The following CHD5 variants were observed in gnomAD, a reference collection of about 807,000 sequenced individuals.
CHD5 encodes the protein chromodomain helicase DNA binding protein 5.
In CHD5, 69 loss-of-function variants were observed where a neutral mutation model predicts 230.3. The observed-to-expected ratio is 0.30, with a 90% CI of 0.25 to 0.37. CHD5 has a LOEUF of 0.37. Ranked by LOEUF, CHD5 falls within the 10% of genes least tolerant of loss-of-function variation. CHD5 has a pLI of 1.00. For missense variants in CHD5, 1,827 were observed against 2,622.8 expected (o/e 0.70, Z 6.63); for synonymous variants, 1,064 against 1,065.9 (o/e 1.00, Z 0.03).
intron 1 of CHD5, 25 bp from the exon 2 acceptor site, chr1:6,168,302 A>C: frequency 6.3e-7 from 1 of 1,582,996 alleles, no homozygotes; most frequent in Non-Finnish European, 8.6e-7. Context: ...AGGTGGCAGC[A>C]GTTACTCCTG....
At position 6,125,977 on chromosome 1, in the gene CHD5, G is replaced by A; in HGVS notation, c.4079-119C>T. 1.4e-6 allele frequency: 1 copy of A among 717,566 alleles called. No individual in the cohort carries two copies. The highest frequency in any genetic ancestry group is 1.6e-5 in the South Asian group (1 of 61,870). The allele number at this position is 717,566 out of a possible 1,614,324, so 44.4% of individuals were successfully genotyped here. ...CACCCCAGCTCCATAAAAAAGCAGTGACAATGGCCCACATACTTCCTGTGG... is the reference window on the plus strand; with the variant it reads ...CACCCCAGCTCCATAAAAAAGCAGTAACAATGGCCCACATACTTCCTGTGG... On this transcript the variant is annotated intron_variant, in intron 26 of 41. Coordinates refer to ENST00000262450, the MANE Select transcript of CHD5 (RefSeq NM_015557.3). This position sits in a 1 kb window ranked among gnomAD's most constrained non-coding sequence, Gnocchi z 6.7.
rs759025918 is a variant in CHD5 at position 6,142,604 on chromosome 1, G to T, written c.2045C>A (p.Pro682His). 2 of 1,609,774 alleles carry T rather than the reference G, an allele frequency of 1.2e-6. No homozygotes were observed. The highest frequency in any genetic ancestry group is 8.5e-7 in the Non-Finnish European group (1 of 1,177,788). ...EKPPDTPIVDPTVKFDKQPWY... is the reference protein window; with the variant it reads ...EKPPDTPIVDHTVKFDKQPWY... ...TGGCTGCTTGTCGAACTTGACCGTG[G>T]GCTGCAGGGGAGGCAGCGGTTCAGA... Residue 682 changes from proline to histidine, a missense_variant and splice_region_variant, in exon 14 of 42, where the codon CCC (proline) becomes CAC (histidine). This residue lies in a region of CHD5 where 657 missense variants were observed against 816.4 expected (regional missense o/e 0.80). Transcript: ENST00000262450. This position sits in a 1 kb window ranked among gnomAD's most constrained non-coding sequence, Gnocchi z 5.2.
intron 8 of CHD5, 66 bp downstream of exon 8, chr1:6,149,180 G>A: frequency 6.7e-7 from 1 of 1,484,912 alleles, no homozygotes; most frequent in South Asian, 1.4e-5. Context: ...GCCCCCAAAT[G>A]AGGGCACAGG....
intron 2 of CHD5, among the ~76,000 whole-genome samples, chr1:6,163,249 T>C (rs1439382230): frequency 6.6e-6 from 1 of 152,184 alleles, no homozygotes; most frequent in African/African-American, 2.4e-5. Flanking sequence ...CCCTCATTTC[T>C]TGGAAGCAGG....
At position 6,155,830 on chromosome 1, in the gene CHD5, G is replaced by C; in HGVS notation, c.388-113C>G. On this transcript the variant is annotated intron_variant, in intron 3 of 41. Transcript: ENST00000262450. The surrounding 1 kb of genome is among the most constrained non-coding windows in gnomAD (Gnocchi z 4.0). ...GCACAGGGGAAAGAGGAGGGGTTGT[G>C]TCTGCAATGTAACCAGACCATTCTC... The C allele has an allele frequency of 1.3e-6, 1 of 755,346 alleles. No individual in the cohort carries two copies. Among genetic ancestry groups the C allele is most frequent in the South Asian group, 1.6e-5 (1 of 62,638 alleles). The allele number at this position is 755,346 out of a possible 1,614,324, so 46.8% of individuals were successfully genotyped here. A position where few individuals can be genotyped will look rare whatever the true frequency, so the allele number is the denominator to read the frequency against.
At chr1:6,147,438 C>A (rs901604165) in intron 9 of CHD5, among the ~76,000 whole-genome samples, 2 of 152,232 alleles carry the variant, frequency 1.3e-5, no homozygotes, top group East Asian at 1.9e-4. Context: ...TGGCAGCCCA[C>A]AGACACACTG....
chr1:6,107,190 A>AGATGGAGGGATGGAGGGAG (rs1666194051), intron 38 of CHD5, among the ~76,000 whole-genome samples: 1 of 98,128 alleles, frequency 1.0e-5, no homozygotes, highest in Non-Finnish European at 2.1e-5. Context: ...GGATGGGGGA[A>AGATGGAGGGATGGAGGGAG]GATGGAGGGA....
intron 20 of CHD5, among the ~76,000 whole-genome samples, chr1:6,132,778 C>G (rs374545819): frequency 1.3e-5 from 2 of 152,130 alleles, no homozygotes; most frequent in African/African-American, 4.8e-5. Context: ...GTTCTTCCTG[C>G]TTTTGCTTAA....
Position 6,129,086 on chromosome 1 carries a change from C to A in CHD5, c.3388-17G>T. The stretch of plus-strand genomic sequence containing the variant: ...GCTGAAGGCCTGGGGAGACCTGCAC[C>A]TCAGCACCCGTGGCTCACCCAGGGC... On this transcript the variant is annotated splice_polypyrimidine_tract_variant and intron_variant, in intron 22 of 41. Transcript: ENST00000262450. This position sits in a 1 kb window ranked among gnomAD's most constrained non-coding sequence, Gnocchi z 6.8. 1 of 1,578,450 alleles carries A rather than the reference C, an allele frequency of 6.3e-7. No homozygotes were observed. Among genetic ancestry groups the A allele is most frequent in the Admixed American group, 1.7e-5 (1 of 59,586 alleles).
At chr1:6,124,495 C>G in intron 30 of CHD5, 22 bp downstream of exon 30, 1 of 1,613,872 alleles carries the variant, frequency 6.2e-7, no homozygotes, top group Non-Finnish European at 8.5e-7. Flanking sequence ...AGGAAGGGCC[C>G]TACAGAGAGT....
At chr1:6,163,380 T>A (rs1055071275) in intron 2 of CHD5, among the ~76,000 whole-genome samples, 1 of 152,168 alleles carries the variant, frequency 6.6e-6, no homozygotes, top group Admixed American at 6.5e-5. Context: ...CTCCACCACA[T>A]GGAGCCCGCA....
Position 6,101,827 on chromosome 1 carries a change from CA to C in CHD5, c.*3646del. 5.7e-6 allele frequency: 1 copy of C among 174,234 alleles called. No homozygotes were observed. 10.8% of individuals were successfully genotyped at this position (174,234 alleles called of 1,614,324 possible). ...AAGGATTTATTAAAACACAGAAAAC[CA>C]AAACATACACACAGAGTACAAAGTA... is the stretch of plus-strand genomic sequence containing the variant. On this transcript the variant is annotated 3_prime_UTR_variant, in exon 42 of 42. Coordinates refer to ENST00000262450, the MANE Select transcript of CHD5 (RefSeq NM_015557.3).
chr1:6,154,709 C>T lies in CHD5; in HGVS notation c.696G>A (p.Gln232=), dbSNP rs781385165. 3.7e-6 allele frequency: 6 copies of T among 1,603,328 alleles called. No homozygotes were observed. The highest frequency in any genetic ancestry group is 5.1e-6 in the Non-Finnish European group (6 of 1,174,076). The part of the protein sequence containing the change: ...ISPPLAVSPP[Q]VPQPVPIRKA... ...TGCGGATAGGCACAGGCTGGGGCAC[C>T]TGCGGGGGGCTGACGGCTAGCGGAG... is the stretch of plus-strand genomic sequence containing the variant. The change falls in exon 5 of 42, where the codon CAG becomes CAA. Residue 232 remains glutamine, a synonymous_variant. Coordinates refer to ENST00000262450, the MANE Select transcript of CHD5 (RefSeq NM_015557.3). This position sits in a 1 kb window ranked among gnomAD's most constrained non-coding sequence, Gnocchi z 7.0.
intron 33 of CHD5, among the ~76,000 whole-genome samples, chr1:6,118,921 C>T (rs1278915219): frequency 6.6e-6 from 1 of 152,062 alleles, no homozygotes; most frequent in African/African-American, 2.4e-5. Context: ...TGGTCTCAAA[C>T]TCCTGACCTC....
At chr1:6,152,063 C>T (rs1667016365) in intron 6 of CHD5, among the ~76,000 whole-genome samples, 1 of 151,938 alleles carries the variant, frequency 6.6e-6, no homozygotes, top group Non-Finnish European at 1.5e-5. Flanking sequence ...GCGGCCAGGC[C>T]CCACCAGGAC....
chr1:6,145,955 C>T (rs768557858), intron 11 of CHD5, among the ~76,000 whole-genome samples: 2 of 152,154 alleles, frequency 1.3e-5, no homozygotes, highest in Non-Finnish European at 1.5e-5. Context: ...ATGAGGGTCC[C>T]GACGCCCCAG....
Position 6,109,977 on chromosome 1 carries a change from G to A in CHD5, c.5396C>T (p.Ala1799Val). 1.9e-6 allele frequency: 3 copies of A among 1,542,114 alleles called. No homozygotes were observed. The highest frequency in any genetic ancestry group is 2.6e-6 in the Non-Finnish European group (3 of 1,146,896). ...LARRFKLLEQALVIEEQLRRA... is the reference protein window; with the variant it reads ...LARRFKLLEQVLVIEEQLRRA... ...CCGGAGCTGCTCCTCAATGACCAACGCCTGCTCCAGCAGCTGGGGGCGGGG... is the reference window on the plus strand; with the variant it reads ...CCGGAGCTGCTCCTCAATGACCAACACCTGCTCCAGCAGCTGGGGGCGGGG... The change falls in exon 38 of 42, where the codon GCG becomes GTG. Residue 1799 changes from alanine (A) to valine (V), a missense_variant. Ala to Val is a moderately conservative substitution (Grantham distance 64). Around this residue, in one of 14 missense-constraint regions of CHD5, gnomAD observed 208 missense variants for 302.0 expected, o/e 0.69. Coordinates refer to ENST00000262450, the MANE Select transcript of CHD5 (RefSeq NM_015557.3).
chr1:6,106,788 G>C lies in CHD5; in HGVS notation c.5579-9C>G. On this transcript the variant is annotated splice_polypyrimidine_tract_variant and intron_variant, in intron 38 of 41. Coordinates refer to ENST00000262450, the MANE Select transcript of CHD5 (RefSeq NM_015557.3). ...CTCCAGCTGGTTCAGGACTGTGGTG[G>C]GAGGCGGAGGGATGGTAGGATGCAG... 1 of 1,607,654 alleles carries C rather than the reference G, an allele frequency of 6.2e-7. No individual in the cohort carries two copies. Among genetic ancestry groups the C allele is most frequent in the Non-Finnish European group, 8.5e-7 (1 of 1,177,910 alleles).
chr1:6,117,966 C>T (rs1406070179), intron 33 of CHD5, among the ~76,000 whole-genome samples: 1 of 152,014 alleles, frequency 6.6e-6, no homozygotes, highest in African/African-American at 2.4e-5. Context: ...AACCTAGACT[C>T]ACACAAAAAA....
Sources: gnomAD v4.1 joint callset for allele counts (sites outside exome capture counted in the v4.1 genomes callset) on GRCh38, gnomAD v4.1.1 for gene constraint, gnomAD v4.1.1 regional missense constraint, Gnocchi (gnomAD v3.1) non-coding constraint, MANE v1.5 for transcripts, NCBI Gene and HGNC (gene_info 2026-07-23, HGNC 2026-07-21) for gene names.